The following NYAP2 variants were observed in gnomAD, a reference collection of about 807,000 sequenced individuals.
NYAP2 encodes the protein neuronal tyrosine-phosphorylated phosphoinositide-3-kinase adapter 2.
NYAP2 carries 23 observed loss-of-function variants against 50.4 expected under a neutral mutation model. The observed-to-expected ratio is 0.46, with a 90% CI of 0.33 to 0.65. The LOEUF is 0.65. Among genes scored for constraint, NYAP2 ranks in the 30% least tolerant of loss-of-function variants. The pLI, the probability that NYAP2 is intolerant of heterozygous loss-of-function variation, is 0.02. For missense variants in NYAP2, 885 were observed against 861.0 expected, an observed-to-expected ratio of 1.03 and a Z score of -0.35; for synonymous variants, 394 against 365.2, an observed-to-expected ratio of 1.08 and a Z score of -0.90.
the NYAP2 span, among the ~76,000 whole-genome samples, chr2:225,663,019 G>C: frequency 6.6e-6 from 1 of 152,148 alleles, no homozygotes; most frequent in Middle Eastern, 3.2e-3. Context: ...TAGACCAGAA[G>C]TGTTAAATGT....
chr2:225,518,116 A>C (rs1356538258), intron 4 of NYAP2, among the ~76,000 whole-genome samples: 1 of 152,062 alleles, frequency 6.6e-6, no homozygotes, highest in Non-Finnish European at 1.5e-5. Flanking sequence ...ATTCATACAC[A>C]TACACACACA....
intron 4 of NYAP2, among the ~76,000 whole-genome samples, chr2:225,528,646 C>T (rs187901669): frequency 5.3e-5 from 8 of 152,238 alleles, no homozygotes; most frequent in Admixed American, 5.2e-4. Context: ...TCTTGTTGAC[C>T]CAGCATGGGA....
At chr2:225,589,584 C>T (rs1301949631) in intron 5 of NYAP2, among the ~76,000 whole-genome samples, 3 of 141,404 alleles carry the variant, frequency 2.1e-5, no homozygotes, top group South Asian at 4.7e-4. Context: ...GGTCCTAGGT[C>T]CTTGGGAGGC....
the NYAP2 span, among the ~76,000 whole-genome samples, chr2:225,692,623 G>A: frequency 2.6e-5 from 4 of 151,842 alleles, no homozygotes; most frequent in Non-Finnish European, 5.9e-5. Flanking sequence ...TCCATAAAAT[G>A]TATATGTGAA....
At chr2:225,543,805 T>A (rs1691519228) in intron 4 of NYAP2, among the ~76,000 whole-genome samples, 1 of 152,222 alleles carries the variant, frequency 6.6e-6, no homozygotes, top group Non-Finnish European at 1.5e-5. Flanking sequence ...TTAAGTCCGA[T>A]GTTTGTTGAC....
chr2:225,433,401 T>C (rs932819270), intron 3 of NYAP2, among the ~76,000 whole-genome samples: 1 of 152,014 alleles, frequency 6.6e-6, no homozygotes, highest in South Asian at 2.1e-4. Flanking sequence ...ATATTTTCAC[T>C]GAATTTCCTC....
rs1054030874 is a variant in NYAP2 at position 225,459,956 on chromosome 2, G to A, written c.221+50855G>A. Among the ~76,000 whole-genome samples, 8 of 152,304 alleles carry A rather than the reference G, an allele frequency of 5.3e-5. No homozygotes were observed. In the South Asian group the frequency reaches 1.0e-3, roughly 20 times the overall value. Reference sequence around the variant, plus strand: ...CAAAGTTCTGGGATTACAGGCATGAGCCACAGCGCCCAGCCTCTATTGATG... The same window carrying A: ...CAAAGTTCTGGGATTACAGGCATGAACCACAGCGCCCAGCCTCTATTGATG... On this transcript the variant is annotated intron_variant, in intron 3 of 6. Transcript: ENST00000636099.
intron 3 of NYAP2, among the ~76,000 whole-genome samples, chr2:225,484,615 T>A (rs895600416): frequency 2.0e-5 from 3 of 152,256 alleles, no homozygotes; most frequent in Non-Finnish European, 4.4e-5. Context: ...GATGTCCTGA[T>A]GAGACATCTT....
chr2:225,536,026 G>A (rs1691343822), intron 4 of NYAP2, among the ~76,000 whole-genome samples: 1 of 152,106 alleles, frequency 6.6e-6, no homozygotes, highest in Non-Finnish European at 1.5e-5. Context: ...ATTCCAAACT[G>A]CCAATGAGTT....
chr2:225,419,169 G>A (rs1695173832), intron 3 of NYAP2, among the ~76,000 whole-genome samples: 2 of 152,166 alleles, frequency 1.3e-5, no homozygotes, highest in South Asian at 4.1e-4. Flanking sequence ...TTCCAGTTTA[G>A]GGCAGAGATG....
intron 3 of NYAP2, among the ~76,000 whole-genome samples, chr2:225,498,373 G>A (rs1368532851): frequency 2.0e-5 from 3 of 152,030 alleles, no homozygotes; most frequent in Non-Finnish European, 4.4e-5. Flanking sequence ...CTCAAATAGA[G>A]ATGTAGTTTG....
intron 3 of NYAP2, among the ~76,000 whole-genome samples, chr2:225,469,655 G>GA (rs1164184616): frequency 1.3e-5 from 2 of 152,198 alleles, no homozygotes; most frequent in Non-Finnish European, 2.9e-5. Flanking sequence ...ATACACCATG[G>GA]AATACTATGC....
At chr2:225,517,682 A>T (rs987982023) in intron 4 of NYAP2, among the ~76,000 whole-genome samples, 4 of 152,152 alleles carry the variant, frequency 2.6e-5, no homozygotes, top group African/African-American at 9.7e-5. Flanking sequence ...TGAATACCTT[A>T]TTGAATCACC....
chr2:225,458,733 A>T (rs909017841), intron 3 of NYAP2, among the ~76,000 whole-genome samples: 2 of 152,258 alleles, frequency 1.3e-5, no homozygotes, highest in African/African-American at 4.8e-5. Context: ...CACCTTTAGC[A>T]GCTCAAAATT....
At chr2:225,484,591 TGGC>T (rs1178121176) in intron 3 of NYAP2, among the ~76,000 whole-genome samples, 3 of 152,372 alleles carry the variant, frequency 2.0e-5, no homozygotes, top group African/African-American at 7.2e-5. Context: ...AAGGAGCCAC[TGGC>T]TTAGAATCCA....
chr2:225,475,605 G>T (rs2106161773), intron 3 of NYAP2, among the ~76,000 whole-genome samples: 1 of 152,260 alleles, frequency 6.6e-6, no homozygotes, highest in South Asian at 2.1e-4. Context: ...GTTTAGTTAG[G>T]CATTCAGTTG....
upstream of NYAP2, among the ~76,000 whole-genome samples, chr2:225,397,959 A>T (rs765057331): frequency 6.6e-6 from 1 of 151,900 alleles, no homozygotes; most frequent in African/African-American, 2.4e-5. Context: ...AAAGAAAAAG[A>T]TATATTTTCC....
intron 2 of NYAP2, among the ~76,000 whole-genome samples, chr2:225,402,334 C>A (rs377175487): frequency 1.3e-5 from 2 of 152,008 alleles, no homozygotes; most frequent in East Asian, 3.9e-4. Context: ...ACTCCCAATT[C>A]AATTAGATGG....
At chr2:225,642,799 A>T (rs1693555712) in intron 6 of NYAP2, among the ~76,000 whole-genome samples, 1 of 152,206 alleles carries the variant, frequency 6.6e-6, no homozygotes, top group Admixed American at 6.5e-5. Context: ...CCAGAAAAAG[A>T]GGAAATTGAT....
Sources: allele counts gnomAD v4.1 joint callset (sites outside exome capture counted in the v4.1 genomes callset), GRCh38; gene constraint gnomAD v4.1.1; transcripts MANE v1.5; gene names NCBI Gene and HGNC (gene_info 2026-07-23, HGNC 2026-07-21).